The following VTI1A variants were observed in gnomAD, a reference collection of about 807,000 sequenced individuals.
VTI1A encodes vesicle transport through interaction with t-SNAREs 1A.
VTI1A carries 22 observed loss-of-function variants against 34.9 expected under a neutral mutation model. The ratio of observed to expected loss-of-function variants is 0.63; its 90% confidence interval spans 0.45 to 0.90. The LOEUF (loss-of-function observed/expected upper bound fraction) is 0.90. VTI1A is among the 40% of genes least tolerant of loss of function. The pLI is 0.00. For synonymous variants in VTI1A, 87 were observed against 97.3 expected, an observed-to-expected ratio of 0.89 and a Z score of 0.62; for missense variants, 268 against 275.6, an observed-to-expected ratio of 0.97 and a Z score of 0.20.
intron 5 of VTI1A, among the ~76,000 whole-genome samples, chr10:112,642,154 A>G (rs900110205): frequency 1.3e-5 from 2 of 152,222 alleles, no homozygotes; most frequent in African/African-American, 2.4e-5. Context: ...TGTAGACCGC[A>G]TCTGGTTCAT....
intron 3 of VTI1A, among the ~76,000 whole-genome samples, chr10:112,472,011 G>A (rs1157816270): frequency 1.3e-5 from 2 of 152,318 alleles, no homozygotes; most frequent in East Asian, 3.9e-4. Context: ...TGAGGACATG[G>A]TGTGTTGAAT....
chr10:112,609,133 G>A lies in VTI1A; in HGVS notation c.428-59085G>A, dbSNP rs371663809. Among the ~76,000 whole-genome samples, 53 of 152,234 alleles carry A rather than the reference G, an allele frequency of 3.5e-4. No homozygotes were observed. The South Asian group carries it at 9.7e-3, about 28-fold the overall frequency. ...TCTTATTTTATTTCTATATCAGTAC[G>A]TTTTAAGAAGTTCCTCTTATACTGT... On this transcript the variant is annotated intron_variant, in intron 5 of 7. Coordinates refer to ENST00000393077, the MANE Select transcript of VTI1A (RefSeq NM_145206.4).
intron 7 of VTI1A, among the ~76,000 whole-genome samples, chr10:112,763,499 T>G (rs1213097830): frequency 1.3e-5 from 2 of 152,072 alleles, no homozygotes; most frequent in Admixed American, 1.3e-4. Context: ...AGGCATAATT[T>G]TACATGCCTC....
At chr10:112,775,935 T>C (rs1237707862) in intron 7 of VTI1A, among the ~76,000 whole-genome samples, 3 of 152,234 alleles carry the variant, frequency 2.0e-5, no homozygotes, top group African/African-American at 7.2e-5. Flanking sequence ...AACAGTTCCT[T>C]GTTAATTAAT....
chr10:112,514,523 T>C (rs997392189), intron 3 of VTI1A, among the ~76,000 whole-genome samples: 5 of 151,828 alleles, frequency 3.3e-5, no homozygotes, highest in Admixed American at 3.3e-4. Flanking sequence ...ATCTTTGTTA[T>C]TTCATTCTTC....
chr10:112,584,420 AAAAGGATC>A (rs1844070375), intron 5 of VTI1A, among the ~76,000 whole-genome samples: 1 of 152,228 alleles, frequency 6.6e-6, no homozygotes, highest in Non-Finnish European at 1.5e-5. Context: ...GAGCACAACG[AAAAGGATC>A]AAGCATGCCA....
At chr10:112,538,101 G>A in intron 4 of VTI1A, 145 bp from the exon 5 acceptor site, 1 of 644,956 alleles carries the variant, frequency 1.6e-6, no homozygotes, top group Non-Finnish European at 2.7e-6. Flanking sequence ...TTCCTATAAT[G>A]GAAAATTTGC....
At chr10:112,707,887 T>C (rs1346030736) in intron 7 of VTI1A, among the ~76,000 whole-genome samples, 4 of 152,230 alleles carry the variant, frequency 2.6e-5, no homozygotes, top group Non-Finnish European at 1.5e-5. Context: ...GTTCATGTAA[T>C]TGCCTTTTAG....
At chr10:112,854,973 T>C in the VTI1A span, among the ~76,000 whole-genome samples, 2 of 152,148 alleles carry the variant, frequency 1.3e-5, no homozygotes, top group Non-Finnish European at 2.9e-5. Context: ...CAGGATTCTT[T>C]GAGTTCACAG....
At chr10:112,726,918 C>G (rs1276579877) in intron 7 of VTI1A, among the ~76,000 whole-genome samples, 1 of 152,164 alleles carries the variant, frequency 6.6e-6, no homozygotes, top group Non-Finnish European at 1.5e-5. Context: ...AGAAGTACTC[C>G]TGGTGCCAGT....
chr10:112,700,711 A>G (rs1848981202), intron 7 of VTI1A, among the ~76,000 whole-genome samples: 1 of 152,238 alleles, frequency 6.6e-6, no homozygotes, highest in Admixed American at 6.5e-5. Flanking sequence ...GATGAAGTAT[A>G]TTCTTCCCCT....
chr10:112,597,574 G>C (rs11818259), intron 5 of VTI1A, among the ~76,000 whole-genome samples: 2 of 150,432 alleles, frequency 1.3e-5, no homozygotes, highest in South Asian at 4.2e-4. Flanking sequence ...AGGTACAGTG[G>C]TACATGCCTA....
At chr10:112,732,119 A>T (rs895657923) in intron 7 of VTI1A, among the ~76,000 whole-genome samples, 2 of 152,150 alleles carry the variant, frequency 1.3e-5, no homozygotes, top group Non-Finnish European at 2.9e-5. Context: ...TGGGGAACTT[A>T]ACAGTACATA....
At chr10:112,563,837 T>A (rs184530466) in intron 5 of VTI1A, among the ~76,000 whole-genome samples, 223 of 152,324 alleles carry the variant, frequency 1.5e-3, no homozygotes, top group African/African-American at 5.2e-3. Context: ...GATTCCTTGA[T>A]GTGGACTGGC....
intron 7 of VTI1A, among the ~76,000 whole-genome samples, chr10:112,779,279 C>T (rs1408851047): frequency 6.6e-6 from 1 of 152,132 alleles, no homozygotes; most frequent in African/African-American, 2.4e-5. Flanking sequence ...AAAATAATAG[C>T]TTCATGTATT....
chr10:112,688,017 G>A (rs929335697), intron 7 of VTI1A, among the ~76,000 whole-genome samples: 7 of 147,348 alleles, frequency 4.8e-5, no homozygotes, highest in African/African-American at 1.0e-4. Context: ...GCAGTGGCGC[G>A]ATCTCAGCTT....
At chr10:112,792,761 G>A (rs1234876457) in intron 7 of VTI1A, among the ~76,000 whole-genome samples, 1 of 152,162 alleles carries the variant, frequency 6.6e-6, no homozygotes, top group Non-Finnish European at 1.5e-5. Context: ...GGGAAAGGTG[G>A]GGACTGTATT....
chr10:112,550,691 ACT>A (rs780504542), intron 5 of VTI1A, among the ~76,000 whole-genome samples: 1 of 152,192 alleles, frequency 6.6e-6, no homozygotes, highest in Non-Finnish European at 1.5e-5. Context: ...CACATATGGC[ACT>A]GTGTTGCCCT....
chr10:112,448,062 G>A (rs990537572), intron 1 of VTI1A, among the ~76,000 whole-genome samples: 1 of 152,136 alleles, frequency 6.6e-6, no homozygotes, highest in Non-Finnish European at 1.5e-5. Flanking sequence ...TAAAAGTTGT[G>A]CCTCTTAAAC....
Sources: gnomAD v4.1 joint callset for allele counts (sites outside exome capture counted in the v4.1 genomes callset) on GRCh38, gnomAD v4.1.1 for gene constraint, MANE v1.5 for transcripts, NCBI Gene and HGNC (gene_info 2026-07-23, HGNC 2026-07-21) for gene names.